RICTOR: variants seen among roughly 807,000 people sequenced by gnomAD.
The protein encoded by RICTOR is RPTOR independent companion of MTOR complex 2, also known as rapamycin-insensitive companion of mTOR.
Under a neutral mutation model 214.9 loss-of-function variants are expected in RICTOR, and 49 were observed. That is an observed-to-expected ratio of 0.23 (90% CI 0.18 to 0.29). RICTOR has a LOEUF of 0.29. RICTOR is among the 10% of genes least tolerant of loss of function. The pLI, the probability that RICTOR is intolerant of heterozygous loss-of-function variation, is 1.00. For missense variants in RICTOR, 1,625 were observed against 2,047.0 expected (o/e 0.79, Z 3.98); for synonymous variants, 717 against 711.3 (o/e 1.01, Z -0.13).
At chr5:39,065,267 G>T (rs925379626) in intron 2 of RICTOR, among the ~76,000 whole-genome samples, 11 of 152,144 alleles carry the variant, frequency 7.2e-5, no homozygotes, top group African/African-American at 2.7e-4. Context: ...GAGCTGGGGG[G>T]AAGGAGCCAC....
At chr5:39,058,365 A>C (rs950993821) in intron 2 of RICTOR, among the ~76,000 whole-genome samples, 1 of 152,068 alleles carries the variant, frequency 6.6e-6, no homozygotes, top group Non-Finnish European at 1.5e-5. Flanking sequence ...AGAGAAACAA[A>C]AACAAGGCAG....
chr5:39,005,408 T>C (rs1396585177), intron 3 of RICTOR, among the ~76,000 whole-genome samples: 1 of 152,146 alleles, frequency 6.6e-6, no homozygotes, highest in Non-Finnish European at 1.5e-5. Context: ...ACCTGTTTTC[T>C]GATGTGTCTA....
In RICTOR at chr5:38,978,652, T is replaced by A. The variant is rs2150055241; in HGVS notation, c.754-2A>T. The stretch of plus-strand genomic sequence containing the variant: ...ATCAGTATAGGGTGCTAAAATTCTC[T>A]ATTTAAAAAAAAAAAGGAAGAAAAG... On this transcript the variant is annotated splice_acceptor_variant, in intron 8 of 37. Transcript: ENST00000357387. LOFTEE classifies it high-confidence loss of function. The A allele has an allele frequency of 6.8e-7, 1 of 1,465,482 alleles. No homozygotes were observed. 90.8% of individuals were successfully genotyped at this position (1,465,482 alleles called of 1,614,324 possible). A position where few individuals can be genotyped will look rare whatever the true frequency, so the allele number is the denominator to read the frequency against.
In RICTOR at chr5:38,944,526, G is replaced by A; in HGVS notation, c.4833C>T (p.Leu1611=). Residue 1611 remains leucine, a synonymous_variant, in exon 36 of 38, where the codon CTC becomes CTT. Coordinates refer to ENST00000357387, the MANE Select transcript of RICTOR (RefSeq NM_152756.5). ...CTAATCTTAGAACTTCTTTGCGAAG[G>A]AGTATACGGCACATTGGTGTATCAT... The part of the protein sequence containing the change: ...IPDDTPMCRI[L]LRKEVLRLVI... 6.2e-7 allele frequency: 1 copy of A among 1,611,512 alleles called. No individual in the cohort carries two copies. The highest frequency in any genetic ancestry group is 1.7e-5 in the Admixed American group (1 of 59,732).
At chr5:39,058,264 A>C (rs1462702446) in intron 2 of RICTOR, among the ~76,000 whole-genome samples, 1 of 152,096 alleles carries the variant, frequency 6.6e-6, no homozygotes, top group Non-Finnish European at 1.5e-5. Flanking sequence ...GTACAACAAA[A>C]GAAAAATGTA....
At position 38,971,877 on chromosome 5, in the gene RICTOR, C is replaced by A; in HGVS notation, c.972G>T (p.Arg324Ser). The stretch of plus-strand genomic sequence containing the variant: ...AACAATCCTAATAACTTTTACCTAC[C>A]CTTATTTCCATATTTGGTATGCAAA... The part of the protein sequence containing the change: ...GVLCIPNMEI[R>S]RGLLEVLYDI... The change falls in exon 11 of 38, where the codon AGG (arginine) becomes AGT (serine). Residue 324 changes from arginine (R) to serine (S), a missense_variant and splice_region_variant. Physicochemically the swap from Arg to Ser is moderately radical, Grantham distance 110. Transcript: ENST00000357387. The A allele has an allele frequency of 7.9e-7, 1 of 1,264,948 alleles. No individual in the cohort carries two copies. The highest frequency in any genetic ancestry group is 1.2e-5 in the South Asian group (1 of 81,644). The allele number at this position is 1,264,948 out of a possible 1,614,324, so 78.4% of individuals were successfully genotyped here. A position where few individuals can be genotyped will look rare whatever the true frequency, so the allele number is the denominator to read the frequency against.
At chr5:38,976,890 G>A (rs1362018538) in intron 9 of RICTOR, among the ~76,000 whole-genome samples, 1 of 152,156 alleles carries the variant, frequency 6.6e-6, no homozygotes, top group Non-Finnish European at 1.5e-5. Flanking sequence ...CCTATCCCAA[G>A]ATTCCATGAC....
chr5:39,012,031 TGTGTTCC>T (rs1211466467), intron 3 of RICTOR, among the ~76,000 whole-genome samples: 1 of 152,178 alleles, frequency 6.6e-6, no homozygotes, highest in Admixed American at 6.5e-5. Context: ...GGTTTGGCTC[TGTGTTCC>T]CACCCAAATC....
intron 36 of RICTOR, chr5:38,943,187 A>AC (rs1747790907): frequency 4.7e-6 from 2 of 422,388 alleles, no homozygotes; most frequent in Non-Finnish European, 8.4e-6. Context: ...GATTATCAAA[A>AC]CCTGAATACT....
At chr5:39,074,302 G>A (rs755822311) in intron 1 of RICTOR, 27 bp downstream of exon 1, 1 of 1,556,678 alleles carries the variant, frequency 6.4e-7, no homozygotes, top group Middle Eastern at 1.7e-4. Flanking sequence ...GCCGGGCGGT[G>A]GGGAGTGAGG....
chr5:39,001,070 C>G (rs1753579166), intron 5 of RICTOR, among the ~76,000 whole-genome samples: 2 of 151,858 alleles, frequency 1.3e-5, no homozygotes, highest in Admixed American at 1.3e-4. Flanking sequence ...TGCTAAAATC[C>G]CAGCAAGTTA....
chr5:39,036,746 A>G (rs933192399), intron 2 of RICTOR, among the ~76,000 whole-genome samples: 1 of 152,198 alleles, frequency 6.6e-6, no homozygotes, highest in Non-Finnish European at 1.5e-5. Flanking sequence ...GTAAAGGCAT[A>G]AATTCAACAA....
chr5:39,021,247 T>C, intron 2 of RICTOR, 111 bp from the exon 3 acceptor site: 2 of 707,752 alleles, frequency 2.8e-6, no homozygotes, highest in Non-Finnish European at 5.2e-6. Flanking sequence ...GTTTAAAGTC[T>C]TACCCTCCAC....
At chr5:39,071,617 A>T (rs952592770) in intron 2 of RICTOR, among the ~76,000 whole-genome samples, 1 of 152,328 alleles carries the variant, frequency 6.6e-6, no homozygotes. Flanking sequence ...AAGGTCAAAT[A>T]ACTTGCCCCA....
At chr5:38,986,390 A>G (rs1752172979) in intron 7 of RICTOR, among the ~76,000 whole-genome samples, 1 of 152,188 alleles carries the variant, frequency 6.6e-6, no homozygotes, top group Admixed American at 6.5e-5. Context: ...TGTGAAAATG[A>G]ACTAATACAA....
Position 38,942,341 on chromosome 5 carries a change from G to C in RICTOR, c.5090C>G (p.Pro1697Arg), listed in dbSNP as rs779211986. 4 of 1,598,432 alleles carry C rather than the reference G, an allele frequency of 2.5e-6. No homozygotes were observed. Among genetic ancestry groups the C allele is most frequent in the South Asian group, 1.1e-5 (1 of 88,382 alleles). Residue 1697 changes from proline to arginine, a missense_variant, in exon 38 of 38, where the codon CCA becomes CGA. By Grantham distance (103) the Pro-to-Arg change is moderately radical (BLOSUM62 -2). Coordinates refer to ENST00000357387, the MANE Select transcript of RICTOR (RefSeq NM_152756.5). The stretch of plus-strand genomic sequence containing the variant: ...AGATGTATCAACTATAGGTTGCTTT[G>C]GTGGTGTTGCCAACACAGCCTCTGC... ...EEAEAVLATPPKQPIVDTSAE... is the reference protein window; with the variant it reads ...EEAEAVLATPRKQPIVDTSAE...
rs1561502222 is a variant in RICTOR, at chr5:38,990,691, A to ATATATCATATATATGATATATC, written c.583+257_583+258insGATATATCATATATATGATATA. On this transcript the variant is annotated intron_variant, in intron 7 of 37. Transcript: ENST00000357387. ...GATATATATCAGATATATCATATAT[A>ATATATCATATATATGATATATC]TGATATATATCAGATATGATATATA... Among the ~76,000 whole-genome samples the ATATATCATATATATGATATATC allele has an allele frequency of 9.4e-3, 45 of 4,792 alleles. 4 individuals carry two copies. The highest frequency in any genetic ancestry group is 0.014 in the African/African-American group (38 of 2,740). 3.1% of individuals were successfully genotyped at this position (4,792 alleles called of 152,430 possible).
chr5:39,067,163 G>A (rs1431871515), intron 2 of RICTOR, among the ~76,000 whole-genome samples: 1 of 152,112 alleles, frequency 6.6e-6, no homozygotes, highest in Non-Finnish European at 1.5e-5. Context: ...ATTGGCTATT[G>A]GTTCTGTAGG....
chr5:39,053,158 T>C (rs1757964441), intron 2 of RICTOR, among the ~76,000 whole-genome samples: 3 of 152,222 alleles, frequency 2.0e-5, no homozygotes, highest in Admixed American at 6.5e-5. Context: ...ATGCCCCTGA[T>C]GCACCTAACC....
Sources: gnomAD v4.1 joint callset for allele counts (sites outside exome capture counted in the v4.1 genomes callset) on GRCh38, gnomAD v4.1.1 for gene constraint, MANE v1.5 for transcripts, NCBI Gene and HGNC (gene_info 2026-07-23, HGNC 2026-07-21) for gene names.